GRID2: variants seen among roughly 807,000 people sequenced by gnomAD.
The protein encoded by GRID2 is glutamate receptor ionotropic, delta-2.
A neutral mutation model predicts 114.8 loss-of-function variants in GRID2; 33 were observed. The ratio of observed to expected loss-of-function variants is 0.29; its 90% confidence interval spans 0.22 to 0.38. GRID2 has a LOEUF of 0.38. GRID2 is among the 10% of genes least tolerant of loss of function. GRID2 has a pLI of 1.00. For synonymous variants in GRID2, 505 were observed against 449.9 expected (o/e 1.12, Z -1.55); for missense variants, 1,184 against 1,257.7 (o/e 0.94, Z 0.89).
Position 92,304,634 on chromosome 4 carries a change from C to A in GRID2, c.-23C>A, listed in dbSNP as rs377353918. On this transcript the variant is annotated 5_prime_UTR_variant, in exon 1 of 16. Transcript: ENST00000282020. ...AAAAATTGGAAGAAAATCCATCCTC[C>A]AAGAGAATCGGCATAGGAGGAGATG... The A allele has an allele frequency of 9.5e-4, 1,474 of 1,558,610 alleles. 8 individuals are homozygous for A. The Middle Eastern group carries it at 0.014, about 15-fold the overall frequency.
intron 1 of GRID2, among the ~76,000 whole-genome samples, chr4:92,397,330 CTG>C (rs1336468518): frequency 2.1e-5 from 3 of 143,518 alleles, no homozygotes; most frequent in Non-Finnish European, 3.0e-5. Flanking sequence ...TAATAAAACT[CTG>C]TGTGTTTGTA....
chr4:92,764,626 T>A (rs142869470), intron 2 of GRID2, among the ~76,000 whole-genome samples: 2 of 152,222 alleles, frequency 1.3e-5, no homozygotes, highest in African/African-American at 4.8e-5. Flanking sequence ...CCCTTTTTTA[T>A]AGAACTTAAC....
chr4:92,945,478 C>G (rs560999599), intron 2 of GRID2, among the ~76,000 whole-genome samples: 7 of 152,188 alleles, frequency 4.6e-5, no homozygotes, highest in African/African-American at 1.2e-4. Flanking sequence ...TTACAACATA[C>G]TATTCATTGA....
At chr4:93,182,990 A>T (rs1365367058) in intron 4 of GRID2, among the ~76,000 whole-genome samples, 1 of 152,202 alleles carries the variant, frequency 6.6e-6, no homozygotes, top group Non-Finnish European at 1.5e-5. Flanking sequence ...TGCAGTATAA[A>T]GTTTGAGAAA....
rs184530709 is a variant in GRID2 at position 93,305,493 on chromosome 4, A to T, written c.1245+67003A>T. Among the ~76,000 whole-genome samples, 183 of 152,252 alleles carry T rather than the reference A, an allele frequency of 1.2e-3. 3 individuals are homozygous for T. Among genetic ancestry groups the T allele is most frequent in the African/African-American group, 4.4e-3 (181 of 41,564 alleles). On this transcript the variant is annotated intron_variant, in intron 8 of 15. Transcript: ENST00000282020. ...GGCTGATGATGCTTAGGGTAGAGTA[A>T]GGATAGTTTTAGGAGGTTCTTTCAA...
At chr4:93,677,388 G>C (rs556259952) in intron 14 of GRID2, among the ~76,000 whole-genome samples, 3 of 152,294 alleles carry the variant, frequency 2.0e-5, no homozygotes, top group East Asian at 3.9e-4. Flanking sequence ...AACCTCTGCA[G>C]ACTTAAATGT....
At chr4:92,535,511 A>AAT (rs1344454325) in intron 1 of GRID2, among the ~76,000 whole-genome samples, 2 of 152,148 alleles carry the variant, frequency 1.3e-5, no homozygotes, top group African/African-American at 4.8e-5. Context: ...GTTATGACCT[A>AAT]ATGTACTAAG....
At chr4:93,247,215 T>C (rs898503689) in intron 8 of GRID2, among the ~76,000 whole-genome samples, 1 of 152,158 alleles carries the variant, frequency 6.6e-6, no homozygotes, top group Non-Finnish European at 1.5e-5. Flanking sequence ...AAATCTGAAC[T>C]GTTTGCTTGT....
At chr4:92,722,672 C>G (rs1735867634) in intron 2 of GRID2, among the ~76,000 whole-genome samples, 1 of 152,048 alleles carries the variant, frequency 6.6e-6, no homozygotes, top group African/African-American at 2.4e-5. Flanking sequence ...CTGGGAACCA[C>G]TCCTTTAGAT....
At chr4:92,767,003 G>T (rs1738299694) in intron 2 of GRID2, among the ~76,000 whole-genome samples, 3 of 152,144 alleles carry the variant, frequency 2.0e-5, no homozygotes, top group Admixed American at 2.0e-4. Context: ...CTCACTTTTG[G>T]TAATCATCCA....
intron 2 of GRID2, among the ~76,000 whole-genome samples, chr4:93,075,177 T>A (rs1385012435): frequency 2.0e-5 from 3 of 152,124 alleles, no homozygotes; most frequent in Non-Finnish European, 4.4e-5. Flanking sequence ...CAATTGCCCA[T>A]ATTAGCAGAC....
chr4:92,697,088 G>A (rs1734455158), intron 2 of GRID2, among the ~76,000 whole-genome samples: 1 of 152,154 alleles, frequency 6.6e-6, no homozygotes, highest in South Asian at 2.1e-4. Context: ...AAATGAGCAA[G>A]CTTTTAAATA....
intron 1 of GRID2, among the ~76,000 whole-genome samples, chr4:92,561,807 A>C (rs1264392699): frequency 6.6e-6 from 1 of 152,166 alleles, no homozygotes; most frequent in African/African-American, 2.4e-5. Flanking sequence ...TGGGTTGTCT[A>C]TCTAATTTCA....
intron 2 of GRID2, among the ~76,000 whole-genome samples, chr4:93,022,029 C>T (rs1440352754): frequency 3.3e-5 from 5 of 151,168 alleles, no homozygotes; most frequent in Non-Finnish European, 3.0e-5. Context: ...ATTGGCAAGC[C>T]AGAAATACAG....
intron 7 of GRID2, among the ~76,000 whole-genome samples, chr4:93,231,526 A>G (rs1561017888): frequency 1.3e-5 from 2 of 152,068 alleles, no homozygotes; most frequent in Non-Finnish European, 2.9e-5. Flanking sequence ...CTTAGAGAAG[A>G]GTGTAATGTG....
chr4:92,368,565 T>G (rs990580917), intron 1 of GRID2, among the ~76,000 whole-genome samples: 13 of 152,116 alleles, frequency 8.5e-5, no homozygotes, highest in Admixed American at 7.9e-4. Flanking sequence ...TATACTCACT[T>G]TGGATTTTTT....
rs148679153 is a variant in GRID2 at position 92,757,975 on chromosome 4, G to A, written c.244+167689G>A. Among the ~76,000 whole-genome samples the A allele has an allele frequency of 4.7e-3, 714 of 152,186 alleles. 4 individuals are homozygous for A. Among genetic ancestry groups the A allele is most frequent in the African/African-American group, 0.016 (684 of 41,560 alleles). On this transcript the variant is annotated intron_variant, in intron 2 of 15. Coordinates refer to ENST00000282020, the MANE Select transcript of GRID2 (RefSeq NM_001510.4). ...GGAGGAGATCAAAAAGAACATGGGG[G>A]TGAGATGGGGAGGAGTCAAATAGAA...
At chr4:93,673,730 A>AT (rs1724619227) in intron 14 of GRID2, among the ~76,000 whole-genome samples, 1 of 152,182 alleles carries the variant, frequency 6.6e-6, no homozygotes, top group South Asian at 2.1e-4. Flanking sequence ...AACCTTAGAC[A>AT]TTCTAATCTT....
chr4:93,735,117 G>T (rs1279345981), intron 14 of GRID2, among the ~76,000 whole-genome samples: 3 of 151,920 alleles, frequency 2.0e-5, no homozygotes, highest in African/African-American at 7.2e-5. Context: ...TCAAAACCCA[G>T]GGCTGTTGGC....
Sources: gnomAD v4.1 joint callset for allele counts (sites outside exome capture counted in the v4.1 genomes callset) on GRCh38, gnomAD v4.1.1 for gene constraint, MANE v1.5 for transcripts, NCBI Gene and HGNC (gene_info 2026-07-23, HGNC 2026-07-21) for gene names.